Variants in ALDH7A1 observed in about 807,000 individuals in gnomAD.
The protein encoded by ALDH7A1 is aldehyde dehydrogenase 7 family member A1.
ALDH7A1 carries 63 observed loss-of-function variants against 79.9 expected under a neutral mutation model. The observed-to-expected ratio is 0.79, with a 90% CI of 0.64 to 0.97. The LOEUF is 0.97. Ranked by LOEUF, ALDH7A1 falls within the 50% of genes least tolerant of loss-of-function variation. ALDH7A1 has a pLI of 0.00. For synonymous variants in ALDH7A1, 240 were observed against 231.2 expected (o/e 1.04, Z -0.34); for missense variants, 627 against 665.2 (o/e 0.94, Z 0.63).
chr5:126,583,216 C>A (rs1037623813), intron 4 of ALDH7A1, among the ~76,000 whole-genome samples: 2 of 152,222 alleles, frequency 1.3e-5, no homozygotes, highest in African/African-American at 4.8e-5. Context: ...CACAGTGGCT[C>A]ATGCCTATAA....
At chr5:126,574,342 G>A (rs562847968) in intron 7 of ALDH7A1, among the ~76,000 whole-genome samples, 8 of 151,988 alleles carry the variant, frequency 5.3e-5, no homozygotes, top group Non-Finnish European at 7.4e-5. Context: ...GGAGGTTGCC[G>A]TGAGCCAAGA....
At chr5:126,582,333 A>C (rs1340942324) in intron 5 of ALDH7A1, among the ~76,000 whole-genome samples, 2 of 152,228 alleles carry the variant, frequency 1.3e-5, no homozygotes, top group Non-Finnish European at 2.9e-5. Context: ...ATTTAAAAAT[A>C]AGTAAATAAA....
intron 3 of ALDH7A1, among the ~76,000 whole-genome samples, chr5:126,591,642 A>AG (rs1402331085): frequency 1.3e-5 from 2 of 152,126 alleles, no homozygotes; most frequent in Admixed American, 1.3e-4. Context: ...AGGCACCCCC[A>AG]GTCTTTTCTT....
chr5:126,590,549 CA>C (rs1200439232), intron 3 of ALDH7A1, among the ~76,000 whole-genome samples: 5 of 151,370 alleles, frequency 3.3e-5, no homozygotes, highest in African/African-American at 9.7e-5. Flanking sequence ...GACTCCGTCT[CA>C]AAAGAAAAAA....
chr5:126,549,569 A>G (rs923396205), intron 16 of ALDH7A1: 5 of 228,316 alleles, frequency 2.2e-5, no homozygotes, highest in Non-Finnish European at 4.3e-5. Context: ...TTATATGCCT[A>G]CTTTGCAAAT....
At position 126,550,291 on chromosome 5, in the gene ALDH7A1, A is replaced by T; in HGVS notation, c.1320T>A (p.Asn440Lys). The T allele has an allele frequency of 6.2e-7, 1 of 1,605,536 alleles. No homozygotes were observed. Among genetic ancestry groups the T allele is most frequent in the Admixed American group, 1.7e-5 (1 of 60,018 alleles). ...TATTCCATGCAAAGACCTCTTCTTC[A>T]TTCTAAAAGGAGAGACATTGGAAGC... ...APILYVFKFK[N>K]EEEVFAWNNE... The change falls in exon 15 of 18, where the codon AAT becomes AAA. Residue 440 changes from asparagine to lysine, a missense_variant and splice_region_variant. Physicochemically the swap from Asn to Lys is moderately conservative, Grantham distance 94 (BLOSUM62 0). Coordinates refer to ENST00000409134, the MANE Select transcript of ALDH7A1 (RefSeq NM_001182.5).
At chr5:126,561,287 A>C in intron 9 of ALDH7A1, 163 bp from the exon 10 acceptor site, 1 of 451,204 alleles carries the variant, frequency 2.2e-6, no homozygotes, top group Non-Finnish European at 3.9e-6. Flanking sequence ...CCCTATCCCA[A>C]TTATTTTTCA....
intron 13 of ALDH7A1, 40 bp downstream of exon 13, chr5:126,554,247 G>A (rs749395300): frequency 2.2e-5 from 35 of 1,580,236 alleles, no homozygotes; most frequent in Non-Finnish European, 2.9e-5. Context: ...GGAAAAGAAG[G>A]TTAAAAAGCT....
At chr5:126,563,818 T>A (rs895535469) in intron 9 of ALDH7A1, among the ~76,000 whole-genome samples, 1 of 152,000 alleles carries the variant, frequency 6.6e-6, no homozygotes, top group Non-Finnish European at 1.5e-5. Context: ...TCTTTCTTTT[T>A]TCAAGAGTCA....
intron 1 of ALDH7A1, 124 bp from the exon 2 acceptor site, chr5:126,593,528 T>C: frequency 7.3e-7 from 1 of 1,361,478 alleles, no homozygotes; most frequent in Non-Finnish European, 1.0e-6. Context: ...CTCAAAAAGC[T>C]TAGGTTAACT....
chr5:126,551,734 ATGG>A (rs1750006806), intron 14 of ALDH7A1, among the ~76,000 whole-genome samples: 1 of 152,178 alleles, frequency 6.6e-6, no homozygotes, highest in African/African-American at 2.4e-5. Context: ...AGGTGACTCT[ATGG>A]CCTACACAGC....
intron 9 of ALDH7A1, among the ~76,000 whole-genome samples, chr5:126,566,407 T>C (rs914894798): frequency 1.3e-5 from 2 of 152,244 alleles, no homozygotes; most frequent in African/African-American, 4.8e-5. Flanking sequence ...AGAAATATAA[T>C]TGATTTTTGT....
intron 3 of ALDH7A1, among the ~76,000 whole-genome samples, chr5:126,585,074 G>A (rs933426957): frequency 1.3e-5 from 2 of 152,142 alleles, no homozygotes; most frequent in African/African-American, 4.8e-5. Context: ...GAGGCAGGTG[G>A]ATCACTTGGG....
chr5:126,592,360 T>C, intron 3 of ALDH7A1: 1 of 346,144 alleles, frequency 2.9e-6, no homozygotes, highest in East Asian at 5.7e-5. Flanking sequence ...TATTTAATTA[T>C]AAATTCAAGT....
chr5:126,576,262 C>CAAAAAAAAA (rs35284915), intron 6 of ALDH7A1, among the ~76,000 whole-genome samples: 1 of 89,224 alleles, frequency 1.1e-5, no homozygotes, highest in Non-Finnish European at 2.2e-5. Context: ...GACTCTGTCA[C>CAAAAAAAAA]AAAAAAAAAA....
chr5:126,559,432 TG>T (rs1554099030), intron 10 of ALDH7A1, 98 bp from the exon 11 acceptor site: 10 of 676,370 alleles, frequency 1.5e-5, no homozygotes, highest in Admixed American at 3.7e-5. Context: ...TTTTTGGTTT[TG>T]GTTTTTTTTT....
intron 6 of ALDH7A1, among the ~76,000 whole-genome samples, chr5:126,576,241 C>A (rs911714956): frequency 5.5e-5 from 7 of 128,266 alleles, no homozygotes; most frequent in Middle Eastern, 5.0e-3. Context: ...CCAGCCTGGG[C>A]GACAGAGCAA....
chr5:126,574,915 A>C (rs1750915270), intron 7 of ALDH7A1, among the ~76,000 whole-genome samples: 1 of 152,178 alleles, frequency 6.6e-6, no homozygotes. Context: ...TTATGACTTA[A>C]CCAGAGCTGC....
At chr5:126,590,565 G>A (rs1751520593) in intron 3 of ALDH7A1, among the ~76,000 whole-genome samples, 1 of 151,976 alleles carries the variant, frequency 6.6e-6, no homozygotes, top group Non-Finnish European at 1.5e-5. Flanking sequence ...AAAAAAGTAT[G>A]TATGTATAGG....
Sources: allele counts gnomAD v4.1 joint callset (sites outside exome capture counted in the v4.1 genomes callset), GRCh38; gene constraint gnomAD v4.1.1; transcripts MANE v1.5; gene names NCBI Gene and HGNC (gene_info 2026-07-23, HGNC 2026-07-21).